SIPA1L3: variants seen among roughly 807,000 people sequenced by gnomAD.
The protein encoded by SIPA1L3 is signal-induced proliferation-associated 1-like protein 3.
A neutral mutation model predicts 150.1 loss-of-function variants in SIPA1L3; 59 were observed. The ratio of observed to expected loss-of-function variants is 0.39; its 90% confidence interval spans 0.32 to 0.49. The LOEUF (loss-of-function observed/expected upper bound fraction) is 0.49. SIPA1L3 is among the 20% of genes least tolerant of loss of function. The pLI, the probability that SIPA1L3 is intolerant of heterozygous loss-of-function variation, is 0.86. For synonymous variants in SIPA1L3, 1,070 were observed against 1,077.6 expected (o/e 0.99, Z 0.14); for missense variants, 2,211 against 2,489.5 (o/e 0.89, Z 2.38).
chr19:38,205,517 T>C (rs1341636259), intron 21 of SIPA1L3, among the ~76,000 whole-genome samples: 1 of 150,276 alleles, frequency 6.7e-6, no homozygotes, highest in African/African-American at 2.5e-5. Context: ...TACTTCTGGG[T>C]AAAAGCCAGA....
chr19:38,153,903 C>G (rs1277424618), intron 13 of SIPA1L3, among the ~76,000 whole-genome samples: 1 of 152,042 alleles, frequency 6.6e-6, no homozygotes, highest in Non-Finnish European at 1.5e-5. Flanking sequence ...CACTGCACTC[C>G]AGCCTGAGCG....
intron 9 of SIPA1L3, among the ~76,000 whole-genome samples, chr19:38,122,016 T>C (rs1971033051): frequency 6.7e-6 from 1 of 149,852 alleles, no homozygotes; most frequent in Non-Finnish European, 1.5e-5. Flanking sequence ...AGGTCAGGGG[T>C]TCAAGACCAG....
intron 9 of SIPA1L3, among the ~76,000 whole-genome samples, chr19:38,123,265 T>G (rs4803793): frequency 0.27 from 33,292 of 125,518 alleles, 4,813 homozygotes; most frequent in African/African-American, 0.49. Flanking sequence ...TTTTTTTTTG[T>G]TTTTTTTGTT....
intron 2 of SIPA1L3, among the ~76,000 whole-genome samples, chr19:38,080,393 C>G (rs757213495): frequency 3.3e-5 from 5 of 152,132 alleles, no homozygotes; most frequent in Non-Finnish European, 7.3e-5. Context: ...GGACAGGTGA[C>G]CCCTTTCCTT....
intron 16 of SIPA1L3, 142 bp from the exon 17 acceptor site, chr19:38,192,001 CCT>C: frequency 1.4e-6 from 1 of 690,826 alleles, no homozygotes; most frequent in East Asian, 2.9e-5. Context: ...GAGCCAAGCC[CCT>C]CTCTGCCACG....
chr19:38,015,390 C>T (rs116581014), intron 1 of SIPA1L3, among the ~76,000 whole-genome samples: 5 of 152,196 alleles, frequency 3.3e-5, no homozygotes, highest in African/African-American at 1.2e-4. Context: ...TGTCATTGTT[C>T]TGCATACCTA....
chr19:37,989,079 C>T (rs1207026828), intron 1 of SIPA1L3, among the ~76,000 whole-genome samples: 5 of 151,768 alleles, frequency 3.3e-5, no homozygotes, highest in East Asian at 3.9e-4. Flanking sequence ...TTCCCCAGCA[C>T]GGTGCCTGCC....
At position 37,924,677 on chromosome 19, in the gene SIPA1L3, CAAAA is replaced by C. The variant is rs762052136; in HGVS notation, c.-379+17332_-379+17335del. ...TGGGTGACAGGGCTAGACTCTATCTCAAAAAAAAAAAAAAAAGTATATATACTAA... is the reference window on the plus strand; with the variant it reads ...TGGGTGACAGGGCTAGACTCTATCTCAAAAAAAAAAAAGTATATATACTAA... On this transcript the variant is annotated intron_variant, in intron 1 of 21. Coordinates refer to ENST00000222345, the MANE Select transcript of SIPA1L3 (RefSeq NM_015073.3). Among the ~76,000 whole-genome samples, 50 of 100,622 alleles carry C rather than the reference CAAAA, an allele frequency of 5.0e-4. No individual in the cohort carries two copies. The East Asian group carries it at 0.011, about 22-fold the overall frequency. 66.0% of individuals were successfully genotyped at this position (100,622 alleles called of 152,430 possible).
At chr19:37,995,768 G>A (rs543328628) in intron 1 of SIPA1L3, among the ~76,000 whole-genome samples, 1 of 152,332 alleles carries the variant, frequency 6.6e-6, no homozygotes, top group African/African-American at 2.4e-5. Flanking sequence ...TCACTGGGAA[G>A]TCTGTAGGAG....
chr19:38,128,867 A>G (rs536458683), intron 9 of SIPA1L3, among the ~76,000 whole-genome samples: 1 of 152,200 alleles, frequency 6.6e-6, no homozygotes, highest in South Asian at 2.1e-4. Flanking sequence ...ACTGCACTCC[A>G]GCCTGGGCGA....
chr19:38,162,386 C>T lies in SIPA1L3; in HGVS notation c.3780+15C>T, dbSNP rs1193776817. The T allele has an allele frequency of 6.2e-7, 1 of 1,600,772 alleles. No individual in the cohort carries two copies. Among genetic ancestry groups the T allele is most frequent in the Non-Finnish European group, 8.6e-7 (1 of 1,168,088 alleles). On this transcript the variant is annotated intron_variant, in intron 14 of 21. Transcript: ENST00000222345. ...GGCATTCCAAAGTGAGTCTGGGCCCCACCCTGCCCTACCGGGGGAGCCAGG... is the reference window on the plus strand; with the variant it reads ...GGCATTCCAAAGTGAGTCTGGGCCCTACCCTGCCCTACCGGGGGAGCCAGG...
chr19:37,979,488 C>T (rs1193173530), intron 1 of SIPA1L3, among the ~76,000 whole-genome samples: 3 of 150,282 alleles, frequency 2.0e-5, no homozygotes, highest in Non-Finnish European at 4.4e-5. Context: ...GCCCGGGAGG[C>T]GGAGGTTGCA....
intron 2 of SIPA1L3, among the ~76,000 whole-genome samples, chr19:38,076,570 G>A (rs1600015148): frequency 1.3e-5 from 2 of 152,274 alleles, no homozygotes; most frequent in African/African-American, 2.4e-5. Context: ...GATCCCTAGA[G>A]GTTCTCACCT....
intron 2 of SIPA1L3, among the ~76,000 whole-genome samples, chr19:38,072,703 G>T (rs1969750350): frequency 6.6e-6 from 1 of 152,250 alleles, no homozygotes; most frequent in Non-Finnish European, 1.5e-5. Context: ...CTAGCCCATT[G>T]GGTGGCCATT....
intron 2 of SIPA1L3, among the ~76,000 whole-genome samples, chr19:38,042,228 T>C (rs1725515): frequency 0.41 from 61,651 of 152,054 alleles, 14,129 homozygotes; most frequent in African/African-American, 0.63. Context: ...TTTTTGTGTA[T>C]GGTATAAGAT....
At chr19:38,012,969 G>T (rs1288031898) in intron 1 of SIPA1L3, among the ~76,000 whole-genome samples, 1 of 152,152 alleles carries the variant, frequency 6.6e-6, no homozygotes, top group African/African-American at 2.4e-5. Context: ...GTTCTTGAGA[G>T]TGCAGGTCCC....
intron 2 of SIPA1L3, among the ~76,000 whole-genome samples, chr19:38,069,494 G>A (rs943774522): frequency 6.6e-6 from 1 of 151,948 alleles, no homozygotes; most frequent in Non-Finnish European, 1.5e-5. Context: ...CTCCGAGCTC[G>A]GAGGCAGACC....
At chr19:38,171,852 G>A (rs1457850612) in intron 15 of SIPA1L3, among the ~76,000 whole-genome samples, 1 of 152,068 alleles carries the variant, frequency 6.6e-6, no homozygotes, top group East Asian at 1.9e-4. Flanking sequence ...TTGACACCCT[G>A]TTGATCAATC....
intron 9 of SIPA1L3, among the ~76,000 whole-genome samples, chr19:38,126,072 G>C (rs2145910151): frequency 6.6e-6 from 1 of 152,238 alleles, no homozygotes; most frequent in South Asian, 2.1e-4. Context: ...TACTCAGGAG[G>C]CTGAGGCAGA....
Sources: gnomAD v4.1 joint callset for allele counts (sites outside exome capture counted in the v4.1 genomes callset) on GRCh38, gnomAD v4.1.1 for gene constraint, MANE v1.5 for transcripts, NCBI Gene and HGNC (gene_info 2026-07-23, HGNC 2026-07-21) for gene names.